The following DNAJC6 variants were observed in gnomAD, a reference collection of about 807,000 sequenced individuals.
DNAJC6 encodes auxilin.
Under a neutral mutation model 110.0 loss-of-function variants are expected in DNAJC6, and 34 were observed. That is an observed-to-expected ratio of 0.31 (90% CI 0.24 to 0.41). The LOEUF (loss-of-function observed/expected upper bound fraction) is 0.41, where lower values mean the gene tolerates loss of function less well. DNAJC6 is among the 10% of genes least tolerant of loss of function. The pLI is 1.00. For missense variants in DNAJC6, 1,031 were observed against 1,207.8 expected (o/e 0.85, Z 2.17); for synonymous variants, 406 against 437.2 (o/e 0.93, Z 0.89).
chr1:65,386,468 T>G (rs1362078908), intron 7 of DNAJC6, among the ~76,000 whole-genome samples: 1 of 152,242 alleles, frequency 6.6e-6, no homozygotes, highest in Admixed American at 6.5e-5. Flanking sequence ...GTGGATTTTT[T>G]GTTCCCTTTA....
At chr1:65,412,895 T>C (rs748921941) in intron 18 of DNAJC6, 29 bp from the exon 19 acceptor site, 75 of 1,593,688 alleles carry the variant, frequency 4.7e-5, no homozygotes, top group Admixed American at 1.2e-4. Flanking sequence ...GTCTGTGGTA[T>C]CTAATGTGTG....
At chr1:65,311,479 C>T (rs1453912683) in intron 1 of DNAJC6, among the ~76,000 whole-genome samples, 1 of 152,154 alleles carries the variant, frequency 6.6e-6, no homozygotes, top group African/African-American at 2.4e-5. Flanking sequence ...CCTGCCTCGG[C>T]CTCCCAAAGT....
upstream of DNAJC6, chr1:65,306,420 A>G (rs895777243): frequency 1.6e-4 from 24 of 152,170 alleles, no homozygotes; most frequent in African/African-American, 5.3e-4. Context: ...TACATAGGTC[A>G]TGGCATACAT....
intron 1 of DNAJC6, among the ~76,000 whole-genome samples, chr1:65,360,036 G>A (rs1349967323): frequency 2.6e-5 from 4 of 152,154 alleles, no homozygotes; most frequent in Non-Finnish European, 4.4e-5. Flanking sequence ...TTGATCTACC[G>A]TGGTCATTGT....
At chr1:65,283,372 A>T (rs1238756331) in intron 1 of DNAJC6, among the ~76,000 whole-genome samples, 1 of 151,874 alleles carries the variant, frequency 6.6e-6, no homozygotes, top group Non-Finnish European at 1.5e-5. Context: ...TTATTTCATG[A>T]TTTTTTCCAG....
intron 15 of DNAJC6, 82 bp downstream of exon 15, chr1:65,401,962 A>T (rs989373890): frequency 1.2e-5 from 19 of 1,568,104 alleles, no homozygotes; most frequent in Non-Finnish European, 1.6e-5. Context: ...GTGTTACAGC[A>T]AGCTGGTATT....
chr1:65,392,747 G>A lies in DNAJC6; in HGVS notation c.1785G>A (p.Gln595=), dbSNP rs1395390058. Reference sequence around the variant, plus strand: ...GTGGAGGTGCAGCTGGTCCCACCCAGGCTGGACAGTCAGGAGTGGAAGATG... The same window carrying A: ...GTGGAGGTGCAGCTGGTCCCACCCAAGCTGGACAGTCAGGAGTGGAAGATG... ...FGGGGAAGPT[Q]AGQSGVEDVF... The change falls in exon 12 of 19, where the codon CAG becomes CAA. Residue 595 remains glutamine, a synonymous_variant. Transcript: ENST00000371069. 36 of 1,613,186 alleles carry A rather than the reference G, an allele frequency of 2.2e-5. No homozygotes were observed. In the East Asian group the frequency reaches 8.0e-4, roughly 36 times the overall value.
At chr1:65,382,895 A>G (rs1645836727) in intron 5 of DNAJC6, among the ~76,000 whole-genome samples, 1 of 152,230 alleles carries the variant, frequency 6.6e-6, no homozygotes, top group South Asian at 2.1e-4. Flanking sequence ...ATGGAAAATC[A>G]AGTGAGGAAG....
chr1:65,306,098 G>A (rs1645034775), upstream of DNAJC6, among the ~76,000 whole-genome samples: 1 of 138,580 alleles, frequency 7.2e-6, no homozygotes, highest in African/African-American at 2.8e-5. Context: ...TTTTTTTTGA[G>A]ACAGAGTCTC....
At chr1:65,289,214 A>C (rs1027949518) in intron 1 of DNAJC6, among the ~76,000 whole-genome samples, 2 of 151,860 alleles carry the variant, frequency 1.3e-5, no homozygotes, top group African/African-American at 4.8e-5. Context: ...TTTTTTCCCC[A>C]AGATGGAGTC....
At chr1:65,366,502 C>G (rs1180708502) in intron 4 of DNAJC6, among the ~76,000 whole-genome samples, 1 of 152,212 alleles carries the variant, frequency 6.6e-6, no homozygotes, top group Non-Finnish European at 1.5e-5. Context: ...GATTGAACTG[C>G]TGCTAGGGCA....
At chr1:65,403,515 A>G (rs1646047947) in intron 15 of DNAJC6, among the ~76,000 whole-genome samples, 1 of 152,234 alleles carries the variant, frequency 6.6e-6, no homozygotes, top group Non-Finnish European at 1.5e-5. Context: ...ATAAAGAATC[A>G]AAGCTGATGA....
At position 65,398,216 on chromosome 1, in the gene DNAJC6, G is replaced by A. The variant is rs9436288; in HGVS notation, c.2039-597G>A. ...TGAAGCTGTAATGAGTTTATTTTGA[G>A]TACCATAGACACATCCCTGACAACC... On this transcript the variant is annotated intron_variant, in intron 13 of 18. Transcript: ENST00000371069. Among the ~76,000 whole-genome samples, 159 of 152,204 alleles carry A rather than the reference G, an allele frequency of 1.0e-3. 1 individual carries two copies. The highest frequency in any genetic ancestry group is 3.7e-3 in the African/African-American group (154 of 41,512).
Position 65,408,623 on chromosome 1 carries a change from T to C in DNAJC6, c.2492-18T>C. 6.3e-7 allele frequency: 1 copy of C among 1,599,242 alleles called. No individual in the cohort carries two copies. The highest frequency in any genetic ancestry group is 1.7e-4 in the Middle Eastern group (1 of 5,954). Reference sequence around the variant, plus strand: ...TTAAGAATGAAAACTGTAATGATTTTCAAAAATTATATTGCAGAAGGGAAA... The same window carrying C: ...TTAAGAATGAAAACTGTAATGATTTCCAAAAATTATATTGCAGAAGGGAAA... On this transcript the variant is annotated intron_variant, in intron 16 of 18. Transcript: ENST00000371069.
intron 9 of DNAJC6, among the ~76,000 whole-genome samples, chr1:65,388,676 A>G (rs1224060131): frequency 6.6e-6 from 1 of 152,238 alleles, no homozygotes; most frequent in Non-Finnish European, 1.5e-5. Flanking sequence ...AAAGCGGGAC[A>G]AAGTATCACT....
chr1:65,322,342 G>A (rs1471456940), intron 1 of DNAJC6, among the ~76,000 whole-genome samples: 1 of 151,990 alleles, frequency 6.6e-6, no homozygotes, highest in Non-Finnish European at 1.5e-5. Context: ...TTCTCACACA[G>A]ACATGGATTC....
chr1:65,397,610 T>C (rs1313803691), intron 13 of DNAJC6, among the ~76,000 whole-genome samples: 1 of 152,138 alleles, frequency 6.6e-6, no homozygotes, highest in Non-Finnish European at 1.5e-5. Context: ...GTGGGTTTGA[T>C]TAGCAACAGG....
rs1486925411 is a variant in DNAJC6 at position 65,388,380 on chromosome 1, C to G, written c.1158C>G (p.Phe386Leu). The change falls in exon 9 of 19, where the codon TTC becomes TTG. Residue 386 changes from phenylalanine to leucine, a missense_variant. Phe to Leu is a conservative substitution (Grantham distance 22). Transcript: ENST00000371069. The part of the protein sequence containing the change: ...QIFQLQFHTG[F>L]IPLDTTVLKF... ...TCCAGCTTCAGTTTCACACTGGATT[C>G]ATACCACTGGACACAACAGTTTTAA... 14 of 1,614,086 alleles carry G rather than the reference C, an allele frequency of 8.7e-6. No homozygotes were observed. The highest frequency in any genetic ancestry group is 1.2e-5 in the Non-Finnish European group (14 of 1,180,002).
upstream of DNAJC6, chr1:65,309,502 CGGCCGCGTCTCCTT>C: frequency 5.4e-6 from 6 of 1,117,966 alleles, no homozygotes; most frequent in Non-Finnish European, 6.7e-6. Context: ...CGCCCCCGCC[CGGCCGCGTCTCCTT>C]CCCTCCCTCC....
Sources: gnomAD v4.1 joint callset for allele counts (sites outside exome capture counted in the v4.1 genomes callset) on GRCh38, gnomAD v4.1.1 for gene constraint, MANE v1.5 for transcripts, NCBI Gene and HGNC (gene_info 2026-07-23, HGNC 2026-07-21) for gene names.